ZNF638: variants seen among roughly 807,000 people sequenced by gnomAD.
ZNF638 encodes the protein CTCL tumor antigen se33-1.
Under a neutral mutation model 195.6 loss-of-function variants are expected in ZNF638, and 46 were observed. The observed-to-expected ratio is 0.24, with a 90% CI of 0.19 to 0.30. The LOEUF (loss-of-function observed/expected upper bound fraction) is 0.30, where lower values mean the gene tolerates loss of function less well. ZNF638 is among the 10% of genes least tolerant of loss of function. The pLI is 1.00. For missense variants in ZNF638, 2,440 were observed against 2,325.3 expected, an observed-to-expected ratio of 1.05 and a Z score of -1.01; for synonymous variants, 845 against 772.0, an observed-to-expected ratio of 1.09 and a Z score of -1.57.
At chr2:71,408,660 C>G (rs1274156357) in intron 20 of ZNF638, 1 of 363,466 alleles carries the variant, frequency 2.8e-6, no homozygotes, top group South Asian at 2.2e-5. Flanking sequence ...TAAGATTTCA[C>G]AGGTTCTTGG....
At chr2:71,409,634 G>T (rs138724594) in intron 20 of ZNF638, among the ~76,000 whole-genome samples, 26 of 152,236 alleles carry the variant, frequency 1.7e-4, no homozygotes, top group Non-Finnish European at 3.2e-4. Context: ...GGTAGATTAT[G>T]GTTTTCTTGT....
Position 71,423,260 on chromosome 2 carries a change from A to C in ZNF638, c.3746A>C (p.Asp1249Ala), listed in dbSNP as rs1399745941. 2 of 1,613,990 alleles carry C rather than the reference A, an allele frequency of 1.2e-6. No homozygotes were observed. The highest frequency in any genetic ancestry group is 1.7e-6 in the Non-Finnish European group (2 of 1,179,994). Residue 1249 changes from aspartate (D) to alanine (A), a missense_variant, in exon 22 of 28, where the codon GAT (aspartate) becomes GCT (alanine). This residue lies in a region of ZNF638 where 1,883 missense variants were observed against 1,739.1 expected (regional missense o/e 1.08). Coordinates refer to ENST00000264447, the MANE Select transcript of ZNF638 (RefSeq NM_014497.5). ...GAAGAATCTCCATCTGAAGCAGAAGATTTCATTTCTGGAATTACACAGACT... is the reference window on the plus strand; with the variant it reads ...GAAGAATCTCCATCTGAAGCAGAAGCTTTCATTTCTGGAATTACACAGACT... ...ILEESPSEAE[D>A]FISGITQTMV...
At chr2:71,378,181 A>C (rs1441751825) in intron 8 of ZNF638, among the ~76,000 whole-genome samples, 1 of 152,226 alleles carries the variant, frequency 6.6e-6, no homozygotes, top group Non-Finnish European at 1.5e-5. Flanking sequence ...AAAAAATATC[A>C]CTTAAAATTA....
At position 71,365,525 on chromosome 2, in the gene ZNF638, C is replaced by T. The variant is rs2079181787; in HGVS notation, c.1814C>T (p.Ser605Leu). The T allele has an allele frequency of 6.2e-6, 10 of 1,613,938 alleles. No individual in the cohort carries two copies. Among genetic ancestry groups the T allele is most frequent in the African/African-American group, 2.7e-5 (2 of 74,910 alleles). ...KHLEAADKGH[S>L]PAQKPKTSSG... ...CTTGAAGCTGCTGATAAGGGACATT[C>T]ACCAGCACAAAAGCCTAAAACTAGC... Residue 605 changes from serine to leucine, a missense_variant, in exon 6 of 28, where the codon TCA (serine) becomes TTA (leucine). Around this residue, in one of 5 missense-constraint regions of ZNF638, gnomAD observed 1,883 missense variants for 1,739.1 expected, o/e 1.08. Transcript: ENST00000264447.
intron 24 of ZNF638, among the ~76,000 whole-genome samples, chr2:71,427,899 G>A (rs2152606861): frequency 6.6e-6 from 1 of 152,278 alleles, no homozygotes; most frequent in East Asian, 1.9e-4. Context: ...TTTCCATTAA[G>A]AAAATCTTGA....
chr2:71,364,667 G>A (rs1276090181), intron 5 of ZNF638, among the ~76,000 whole-genome samples: 1 of 152,136 alleles, frequency 6.6e-6, no homozygotes, highest in Non-Finnish European at 1.5e-5. Flanking sequence ...GTTAATATCT[G>A]AGAAGTACTT....
rs747026665 is a variant in ZNF638, at chr2:71,422,771, GTTTT to G, written c.3300-41_3300-38del. 9.0e-6 allele frequency: 14 copies of G among 1,563,026 alleles called. No individual in the cohort carries two copies. In the South Asian group the frequency reaches 1.2e-4, roughly 13 times the overall value. On this transcript the variant is annotated intron_variant, in intron 21 of 27. Transcript: ENST00000264447. ...TCATCATAGTTTGATTTTTGTTTGT[GTTTT>G]TGTTTGTGTTCTTTTTGTTTGTTTT... is the stretch of plus-strand genomic sequence containing the variant.
chr2:71,402,988 G>A (rs919041392), intron 16 of ZNF638, among the ~76,000 whole-genome samples: 5 of 152,178 alleles, frequency 3.3e-5, no homozygotes, highest in East Asian at 1.9e-4. Flanking sequence ...TTGAATGATC[G>A]CAGAGCTCAG....
chr2:71,421,949 C>T (rs562537705), intron 21 of ZNF638, among the ~76,000 whole-genome samples: 4 of 152,232 alleles, frequency 2.6e-5, no homozygotes, highest in South Asian at 2.1e-4. Flanking sequence ...GGACTACTCA[C>T]TTTTCATATA....
At chr2:71,385,922 G>A (rs780988665) in intron 10 of ZNF638, among the ~76,000 whole-genome samples, 17 of 151,866 alleles carry the variant, frequency 1.1e-4, no homozygotes, top group Non-Finnish European at 2.2e-4. Flanking sequence ...TAGTGTCTGC[G>A]AGCACTTTGA....
intron 1 of ZNF638, among the ~76,000 whole-genome samples, chr2:71,342,432 G>A (rs544389563): frequency 1.6e-3 from 241 of 151,772 alleles, no homozygotes; most frequent in Admixed American, 2.7e-3. Flanking sequence ...CCTCACCTCC[G>A]CCCAGATTAT....
At chr2:71,380,140 G>C in intron 8 of ZNF638, 82 bp from the exon 9 acceptor site, 1 of 742,296 alleles carries the variant, frequency 1.3e-6, no homozygotes. Flanking sequence ...CTTTAGAATA[G>C]GAAGATTTTA....
At chr2:71,429,942 C>T (rs2080622467) in intron 25 of ZNF638, among the ~76,000 whole-genome samples, 1 of 152,112 alleles carries the variant, frequency 6.6e-6, no homozygotes, top group South Asian at 2.1e-4. Context: ...GGTGGTGGTT[C>T]AGTAATTAGG....
intron 23 of ZNF638, among the ~76,000 whole-genome samples, chr2:71,425,358 A>G (rs1251788791): frequency 6.6e-6 from 1 of 152,214 alleles, no homozygotes; most frequent in East Asian, 1.9e-4. Flanking sequence ...GATTATGGCT[A>G]CTAAAGCAGA....
At chr2:71,390,808 T>G (rs1443397641) in intron 10 of ZNF638, among the ~76,000 whole-genome samples, 2 of 152,124 alleles carry the variant, frequency 1.3e-5, no homozygotes, top group African/African-American at 2.4e-5. Flanking sequence ...TTGTCAGCAC[T>G]GGCTAAGTGC....
rs376456357 is a variant in ZNF638 at position 71,398,842 on chromosome 2, T to G, written c.2500+70T>G. On this transcript the variant is annotated intron_variant, in intron 12 of 27. Transcript: ENST00000264447. ...TATGTTTTAAATTCGTATAATAATTTTTAGCATCTAATACTTGAAGAGTTT... is the reference window on the plus strand; with the variant it reads ...TATGTTTTAAATTCGTATAATAATTGTTAGCATCTAATACTTGAAGAGTTT... 105 of 1,345,244 alleles carry G rather than the reference T, an allele frequency of 7.8e-5. 1 individual carries two copies. In the South Asian group the frequency reaches 1.1e-3, roughly 14 times the overall value. The allele number at this position is 1,345,244 out of a possible 1,614,324, so 83.3% of individuals were successfully genotyped here.
chr2:71,388,684 C>T (rs767887037), intron 10 of ZNF638: 23 of 1,129,900 alleles, frequency 2.0e-5, no homozygotes, highest in African/African-American at 3.0e-5. Flanking sequence ...GGGATCACGA[C>T]GGAACCCCCG....
chr2:71,363,060 T>G (rs1179273976), intron 3 of ZNF638, 93 bp from the exon 4 acceptor site: 11 of 898,942 alleles, frequency 1.2e-5, no homozygotes, highest in Non-Finnish European at 2.0e-5. Context: ...ATAAAAGTTG[T>G]GAAAAGTCCT....
At chr2:71,429,698 C>G (rs1296659316) in intron 25 of ZNF638, among the ~76,000 whole-genome samples, 1 of 152,158 alleles carries the variant, frequency 6.6e-6, no homozygotes, top group Non-Finnish European at 1.5e-5. Flanking sequence ...ATTTTGGTTT[C>G]TTTCTCCTAC....
Sources: allele counts gnomAD v4.1 joint callset (sites outside exome capture counted in the v4.1 genomes callset), GRCh38; gene constraint gnomAD v4.1.1; regional missense constraint gnomAD v4.1.1; transcripts MANE v1.5; gene names NCBI Gene and HGNC (gene_info 2026-07-23, HGNC 2026-07-21).